The following CKAP5 variants were observed in gnomAD, a reference collection of about 807,000 sequenced individuals.
CKAP5 encodes cytoskeleton associated protein 5.
A neutral mutation model predicts 232.8 loss-of-function variants in CKAP5; 27 were observed. That is an observed-to-expected ratio of 0.12 (90% CI 0.09 to 0.16). The LOEUF (loss-of-function observed/expected upper bound fraction) is 0.16. Ranked by LOEUF, CKAP5 falls within the 10% of genes least tolerant of loss-of-function variation. The probability of loss-of-function intolerance (pLI) is 1.00; values close to 1 mark genes in which losing one functional copy is unlikely to be tolerated. For missense variants in CKAP5, 1,838 were observed against 2,424.7 expected (o/e 0.76, Z 5.08); for synonymous variants, 785 against 841.1 (o/e 0.93, Z 1.16).
At chr11:46,820,397 A>G (rs969748592) in intron 2 of CKAP5, among the ~76,000 whole-genome samples, 16 of 152,196 alleles carry the variant, frequency 1.1e-4, no homozygotes, top group African/African-American at 3.9e-4. Context: ...CTACATAGGT[A>G]GAACTGTATG....
At chr11:46,767,896 A>C (rs1300067319) in intron 26 of CKAP5, among the ~76,000 whole-genome samples, 1 of 151,836 alleles carries the variant, frequency 6.6e-6, no homozygotes, top group Non-Finnish European at 1.5e-5. Context: ...GGGCTCAATG[A>C]ATTCTCCCAC....
At chr11:46,843,024 C>CTGGGAT (rs1940098770) in intron 1 of CKAP5, among the ~76,000 whole-genome samples, 2 of 150,522 alleles carry the variant, frequency 1.3e-5, no homozygotes, top group South Asian at 4.2e-4. Context: ...TGGCTCATGC[C>CTGGGAT]TATAATCCCA....
chr11:46,829,835 T>G (rs1939736215), intron 1 of CKAP5, among the ~76,000 whole-genome samples: 1 of 83,102 alleles, frequency 1.2e-5, no homozygotes, highest in Non-Finnish European at 2.9e-5. Flanking sequence ...ATTCCTTTTT[T>G]GTATGTGTGT....
intron 4 of CKAP5, 25 bp from the exon 5 acceptor site, chr11:46,811,203 A>C: frequency 1.3e-6 from 2 of 1,592,838 alleles, no homozygotes; most frequent in Non-Finnish European, 1.7e-6. Flanking sequence ...TTGGGAAAAA[A>C]CTGTCAACGT....
Position 46,784,692 on chromosome 11 carries a change from C to T in CKAP5, c.1969-19G>A. The T allele has an allele frequency of 6.2e-7, 1 of 1,600,152 alleles. No homozygotes were observed. ...GCATCACCTGAACAAGGATCAGTAT[C>T]ATAAAGCTAAGAGCAAGCCAAGGAC... On this transcript the variant is annotated intron_variant, in intron 16 of 43. Transcript: ENST00000529230.
At chr11:46,752,187 TATATATACACACAC>T (rs1440409574) in intron 38 of CKAP5, among the ~76,000 whole-genome samples, 2 of 67,918 alleles carry the variant, frequency 2.9e-5, no homozygotes, top group African/African-American at 9.0e-5. Context: ...TATATATATA[TATATATACACACAC>T]ACACACACAC....
At chr11:46,780,154 C>G (rs759704960) in intron 20 of CKAP5, 40 bp downstream of exon 20, 7 of 1,609,694 alleles carry the variant, frequency 4.3e-6, no homozygotes, top group Admixed American at 1.7e-5. Flanking sequence ...ATGAGATTCT[C>G]AAGTCCACTA....
rs565228656 is a variant in CKAP5 at position 46,743,353 on chromosome 11, A to C, written c.*670T>G. On this transcript the variant is annotated 3_prime_UTR_variant, in exon 44 of 44. Transcript: ENST00000529230. ...TGCTCCCTAGGAGCTGTTTGTGGAG[A>C]GCAGGGAAGGAGAGTTCCTTCCATT... 1.3e-5 allele frequency: 2 copies of C among 152,380 alleles called. No individual in the cohort carries two copies. Among genetic ancestry groups the C allele is most frequent in the East Asian group, 3.9e-4 (2 of 5,176 alleles). 9.4% of individuals were successfully genotyped at this position (152,380 alleles called of 1,614,324 possible). A position where few individuals can be genotyped will look rare whatever the true frequency, so the allele number is the denominator to read the frequency against.
intron 13 of CKAP5, among the ~76,000 whole-genome samples, chr11:46,793,436 G>A (rs565073639): frequency 2.6e-5 from 4 of 152,220 alleles, no homozygotes; most frequent in Non-Finnish European, 5.9e-5. Context: ...AAAGAATGCC[G>A]TAATTGCCAC....
chr11:46,821,163 G>C lies in CKAP5; in HGVS notation c.57+12C>G, dbSNP rs1276553654. On this transcript the variant is annotated intron_variant, in intron 2 of 43. Coordinates refer to ENST00000529230, the MANE Select transcript of CKAP5 (RefSeq NM_001008938.4). ...CAACGACACTGAAAATCGAATTCCA[G>C]AAGAATCTTACCTTGTGTTCACATT... The C allele has an allele frequency of 6.2e-7, 1 of 1,603,514 alleles. No homozygotes were observed. The highest frequency in any genetic ancestry group is 8.5e-7 in the Non-Finnish European group (1 of 1,170,820).
intron 1 of CKAP5, among the ~76,000 whole-genome samples, chr11:46,825,872 G>C (rs1939640379): frequency 1.3e-5 from 2 of 152,018 alleles, no homozygotes; most frequent in African/African-American, 4.8e-5. Context: ...CTATGTAACT[G>C]TCATAGAAAA....
intron 1 of CKAP5, among the ~76,000 whole-genome samples, chr11:46,845,537 T>C (rs12278185): frequency 6.6e-6 from 1 of 152,226 alleles, no homozygotes; most frequent in South Asian, 2.1e-4. Context: ...AGCTCAAAAG[T>C]AAGAATCTAG....
chr11:46,753,307 T>C lies in CKAP5; in HGVS notation c.5057+3A>G. 6.2e-7 allele frequency: 1 copy of C among 1,602,280 alleles called. No individual in the cohort carries two copies. The highest frequency in any genetic ancestry group is 8.5e-7 in the Non-Finnish European group (1 of 1,175,924). ...GCTCTATTGGCTGAGAGTACAGATA[T>C]ACCTCAGGATGTTGGTCTGGTCTGA... On this transcript the variant is annotated splice_donor_region_variant and intron_variant, in intron 37 of 43. Coordinates refer to ENST00000529230, the MANE Select transcript of CKAP5 (RefSeq NM_001008938.4).
At chr11:46,838,793 C>CAAAA (rs71042626) in intron 1 of CKAP5, among the ~76,000 whole-genome samples, 21 of 45,918 alleles carry the variant, frequency 4.6e-4, no homozygotes, top group African/African-American at 1.9e-3. Flanking sequence ...GACCCCATCT[C>CAAAA]AAAAAAAAAA....
At position 46,790,016 on chromosome 11, in the gene CKAP5, A is replaced by G. The variant is rs113909989; in HGVS notation, c.1875+60T>C. ...ATTAGGACAAATCCTTCATTCATCA[A>G]TTTCGCTGCTTCCATATAATCTAAT... is the stretch of plus-strand genomic sequence containing the variant. On this transcript the variant is annotated intron_variant, in intron 15 of 43. Transcript: ENST00000529230. 6.3e-4 allele frequency: 700 copies of G among 1,114,604 alleles called. 5 individuals are homozygous for G. In the African/African-American group the frequency reaches 9.2e-3, roughly 15 times the overall value. 69.0% of individuals were successfully genotyped at this position (1,114,604 alleles called of 1,614,324 possible).
chr11:46,839,128 A>G (rs1939989653), intron 1 of CKAP5, among the ~76,000 whole-genome samples: 1 of 152,220 alleles, frequency 6.6e-6, no homozygotes, highest in South Asian at 2.1e-4. Flanking sequence ...AATATATGCT[A>G]TGAAGTAAAT....
chr11:46,798,074 T>A lies in CKAP5; in HGVS notation c.1173+9A>T. ...CAGATAAAACTACAAACTCATGCTG[T>A]CAACTTACAGTAAGGAAGATTGCAT... On this transcript the variant is annotated intron_variant, in intron 10 of 43. Coordinates refer to ENST00000529230, the MANE Select transcript of CKAP5 (RefSeq NM_001008938.4). 1 of 1,612,702 alleles carries A rather than the reference T, an allele frequency of 6.2e-7. No individual in the cohort carries two copies. Among genetic ancestry groups the A allele is most frequent in the Non-Finnish European group, 8.5e-7 (1 of 1,179,166 alleles).
In CKAP5 at chr11:46,765,140, T is replaced by C; in HGVS notation, c.3528A>G (p.Lys1176=). The C allele has an allele frequency of 6.2e-7, 1 of 1,609,812 alleles. No individual in the cohort carries two copies. The highest frequency in any genetic ancestry group is 1.1e-5 in the South Asian group (1 of 90,486). ...CTTAATCCTTCCTTACCTTCAATCCTTTTTCATCTTTCATCCTTTGCTCTT... is the reference window on the plus strand; with the variant it reads ...CTTAATCCTTCCTTACCTTCAATCCCTTTTCATCTTTCATCCTTTGCTCTT... ...NGKEQRMKDE[K]GLKVLKWNFT... Residue 1176 remains lysine, a synonymous_variant, in exon 28 of 44, where the codon AAA becomes AAG. Coordinates refer to ENST00000529230, the MANE Select transcript of CKAP5 (RefSeq NM_001008938.4).
At chr11:46,811,510 CTT>C (rs1939274595) in intron 4 of CKAP5, among the ~76,000 whole-genome samples, 1 of 151,880 alleles carries the variant, frequency 6.6e-6, no homozygotes, top group Non-Finnish European at 1.5e-5. Context: ...GCATTTTGCT[CTT>C]GTTGCCCAGG....
Sources: gnomAD v4.1 joint callset for allele counts (sites outside exome capture counted in the v4.1 genomes callset) on GRCh38, gnomAD v4.1.1 for gene constraint, MANE v1.5 for transcripts, NCBI Gene and HGNC (gene_info 2026-07-23, HGNC 2026-07-21) for gene names.